The following SHROOM3 variants were observed in gnomAD, a reference collection of about 807,000 sequenced individuals.
The protein encoded by SHROOM3 is protein Shroom3.
SHROOM3 carries 47 observed loss-of-function variants against 138.6 expected under a neutral mutation model. The observed-to-expected ratio is 0.34, with a 90% CI of 0.27 to 0.43. The LOEUF is 0.43. Among genes scored for constraint, SHROOM3 ranks in the 20% least tolerant of loss-of-function variants. SHROOM3 has a pLI of 1.00. For missense variants in SHROOM3, 2,491 were observed against 2,596.5 expected, an observed-to-expected ratio of 0.96 and a Z score of 0.88; for synonymous variants, 1,062 against 1,063.3, an observed-to-expected ratio of 1.00 and a Z score of 0.02.
chr4:76,465,660 T>A (rs976223184), intron 1 of SHROOM3, among the ~76,000 whole-genome samples: 10 of 152,186 alleles, frequency 6.6e-5, no homozygotes, highest in Admixed American at 6.5e-4. Context: ...CCTCTGTAGG[T>A]GTTTCTCCTA....
At chr4:76,751,943 A>G (rs1482656174) in intron 6 of SHROOM3, among the ~76,000 whole-genome samples, 2 of 152,356 alleles carry the variant, frequency 1.3e-5, no homozygotes, top group African/African-American at 2.4e-5. Context: ...ATGATCTGGC[A>G]ATGCCACTTC....
At chr4:76,677,510 G>A (rs1719072111) in intron 2 of SHROOM3, among the ~76,000 whole-genome samples, 1 of 152,196 alleles carries the variant, frequency 6.6e-6, no homozygotes, top group African/African-American at 2.4e-5. Context: ...AACCAGGCGA[G>A]GTGAATGACC....
intron 10 of SHROOM3, among the ~76,000 whole-genome samples, chr4:76,772,195 C>A (rs1000941177): frequency 6.6e-6 from 1 of 151,456 alleles, no homozygotes; most frequent in Non-Finnish European, 1.5e-5. Flanking sequence ...CCTCTGGCTC[C>A]CGTATTCATG....
At chr4:76,451,843 T>C (rs1004243729) in intron 1 of SHROOM3, among the ~76,000 whole-genome samples, 1 of 152,242 alleles carries the variant, frequency 6.6e-6, no homozygotes, top group Non-Finnish European at 1.5e-5. Flanking sequence ...TTTAAAGGTT[T>C]TTTTAGAAAC....
chr4:76,742,160 A>G (rs960945072), intron 5 of SHROOM3: 3 of 593,836 alleles, frequency 5.1e-6, no homozygotes, highest in East Asian at 3.1e-5. Context: ...TTCTCTATCT[A>G]TCTGTCTACC....
chr4:76,458,444 A>G (rs1731077541), intron 1 of SHROOM3, among the ~76,000 whole-genome samples: 1 of 152,156 alleles, frequency 6.6e-6, no homozygotes, highest in South Asian at 2.1e-4. Flanking sequence ...TTAAATGATA[A>G]TATTACTTTT....
chr4:76,729,505 A>G (rs1421660670), intron 3 of SHROOM3, among the ~76,000 whole-genome samples: 1 of 152,156 alleles, frequency 6.6e-6, no homozygotes, highest in East Asian at 1.9e-4. Flanking sequence ...GTTGAAGTAT[A>G]TGTTTGTGTT....
chr4:76,445,535 T>G (rs1447696532), intron 1 of SHROOM3, among the ~76,000 whole-genome samples: 2 of 152,132 alleles, frequency 1.3e-5, no homozygotes, highest in Non-Finnish European at 2.9e-5. Flanking sequence ...AAGAGGTTTA[T>G]AAGTTGGGCT....
chr4:76,460,663 C>G lies in SHROOM3; in HGVS notation c.168+24443C>G, dbSNP rs549537677. Among the ~76,000 whole-genome samples the G allele has an allele frequency of 5.7e-4, 87 of 151,678 alleles. 1 individual carries two copies. Among genetic ancestry groups the G allele is most frequent in the African/African-American group, 1.9e-3 (77 of 41,370 alleles). On this transcript the variant is annotated intron_variant, in intron 1 of 10. Transcript: ENST00000296043. The stretch of plus-strand genomic sequence containing the variant: ...CTAGCAGGTCTTTCCTCTGTGCCCC[C>G]ACATCTCTGGTGTCTCTCTGTATAT...
intron 2 of SHROOM3, among the ~76,000 whole-genome samples, chr4:76,670,416 G>C (rs994425949): frequency 1.3e-5 from 2 of 152,132 alleles, no homozygotes; most frequent in Non-Finnish European, 2.9e-5. Flanking sequence ...AAGGAGATCA[G>C]TGATGCCTGG....
In SHROOM3 at chr4:76,740,840, G is replaced by A; in HGVS notation, c.2667G>A (p.Gln889=). Residue 889 remains glutamine, a synonymous_variant, in exon 5 of 11, where the codon CAG becomes CAA. Transcript: ENST00000296043. This position sits in a 1 kb window ranked among gnomAD's most constrained non-coding sequence, Gnocchi z 4.0. ...QRPDARLLRS[Q]STFQLSSEPE... is the part of the protein sequence containing the mutation. ...CGGACGCTCGGCTCCTCCGTAGCCA[G>A]AGCACCTTCCAGCTCTCCAGCGAGC... 6.3e-7 allele frequency: 1 copy of A among 1,587,546 alleles called. No homozygotes were observed. The highest frequency in any genetic ancestry group is 1.2e-5 in the South Asian group (1 of 86,602).
chr4:76,487,782 G>C (rs1051375116), intron 1 of SHROOM3, among the ~76,000 whole-genome samples: 2 of 152,216 alleles, frequency 1.3e-5, no homozygotes, highest in African/African-American at 4.8e-5. Flanking sequence ...ACTAGAAACA[G>C]AGGTTCCCTG....
At chr4:76,656,460 T>C (rs1271142343) in intron 2 of SHROOM3, among the ~76,000 whole-genome samples, 1 of 152,242 alleles carries the variant, frequency 6.6e-6, no homozygotes, top group Non-Finnish European at 1.5e-5. Flanking sequence ...GCCCTTGGAC[T>C]ATATTTTTCT....
intron 2 of SHROOM3, among the ~76,000 whole-genome samples, chr4:76,634,145 T>C (rs1297795609): frequency 6.6e-6 from 1 of 152,196 alleles, no homozygotes; most frequent in Non-Finnish European, 1.5e-5. Context: ...ATGTACACTT[T>C]CCTTTTGGAA....
intron 1 of SHROOM3, among the ~76,000 whole-genome samples, chr4:76,448,196 A>G (rs1168405805): frequency 6.6e-6 from 1 of 152,180 alleles, no homozygotes; most frequent in Non-Finnish European, 1.5e-5. Flanking sequence ...TTTTCATAAA[A>G]GATGGAGCCA....
chr4:76,632,132 T>C (rs1735342701), intron 2 of SHROOM3, among the ~76,000 whole-genome samples: 1 of 152,164 alleles, frequency 6.6e-6, no homozygotes, highest in Admixed American at 6.5e-5. Flanking sequence ...CAGAGTTCTA[T>C]TTTAGATTTA....
chr4:76,636,056 G>A, intron 2 of SHROOM3, among the ~76,000 whole-genome samples: 1 of 152,218 alleles, frequency 6.6e-6, no homozygotes, highest in East Asian at 1.9e-4. Flanking sequence ...ACCAAGTCCA[G>A]TTCTCCAAGA....
At chr4:76,467,970 T>A (rs1289644139) in intron 1 of SHROOM3, among the ~76,000 whole-genome samples, 4 of 152,054 alleles carry the variant, frequency 2.6e-5, no homozygotes, top group African/African-American at 9.7e-5. Context: ...TTCTAGGAGG[T>A]GGGACATAAG....
intron 1 of SHROOM3, among the ~76,000 whole-genome samples, chr4:76,457,872 T>G (rs1233299312): frequency 1.3e-5 from 2 of 151,456 alleles, no homozygotes; most frequent in African/African-American, 4.9e-5. Flanking sequence ...CTCGGCTCAC[T>G]GCAAGCTCCG....
Sources: gnomAD v4.1 joint callset for allele counts (sites outside exome capture counted in the v4.1 genomes callset) on GRCh38, gnomAD v4.1.1 for gene constraint, Gnocchi (gnomAD v3.1) non-coding constraint, MANE v1.5 for transcripts, NCBI Gene and HGNC (gene_info 2026-07-23, HGNC 2026-07-21) for gene names.